CDH12: variants seen among roughly 807,000 people sequenced by gnomAD.
The protein encoded by CDH12 is cadherin-12.
In CDH12, 41 loss-of-function variants were observed where a neutral mutation model predicts 74.1. The ratio of observed to expected loss-of-function variants is 0.55; its 90% CI spans 0.43 to 0.72. The LOEUF is 0.72. Ranked by LOEUF, CDH12 falls within the 30% of genes least tolerant of loss-of-function variation. The probability of loss-of-function intolerance (pLI) is 0.00; values close to 1 mark genes in which losing one functional copy is unlikely to be tolerated. For missense variants in CDH12, 945 were observed against 977.2 expected (o/e 0.97, Z 0.44); for synonymous variants, 399 against 355.0 (o/e 1.12, Z -1.39).
intron 5 of CDH12, among the ~76,000 whole-genome samples, chr5:22,034,578 T>C (rs1739043807): frequency 6.6e-6 from 1 of 152,158 alleles, no homozygotes; most frequent in African/African-American, 2.4e-5. Context: ...ACACTAAAGA[T>C]GACAATTAAT....
intron 4 of CDH12, among the ~76,000 whole-genome samples, chr5:22,132,765 G>T (rs144725935): frequency 3.2e-4 from 48 of 152,204 alleles, no homozygotes; most frequent in African/African-American, 1.1e-3. Context: ...CTGAAGGAGT[G>T]AGGGAGTCTC....
intron 6 of CDH12, among the ~76,000 whole-genome samples, chr5:21,973,631 A>G (rs1756948350): frequency 6.6e-6 from 1 of 152,176 alleles, no homozygotes; most frequent in Non-Finnish European, 1.5e-5. Context: ...TGGTACTAAA[A>G]AGTCACTGAG....
At chr5:21,794,431 C>G (rs1448587412) in intron 10 of CDH12, among the ~76,000 whole-genome samples, 1 of 151,806 alleles carries the variant, frequency 6.6e-6, no homozygotes, top group Middle Eastern at 3.4e-3. Flanking sequence ...GTCCTAAACA[C>G]GCAGTATACC....
chr5:22,043,795 T>C (rs2150185932), intron 5 of CDH12, among the ~76,000 whole-genome samples: 1 of 151,976 alleles, frequency 6.6e-6, no homozygotes, highest in South Asian at 2.1e-4. Context: ...TGTTGCTATA[T>C]GGTAACAGTT....
At chr5:21,996,494 A>G (rs1736309650) in intron 5 of CDH12, among the ~76,000 whole-genome samples, 1 of 152,212 alleles carries the variant, frequency 6.6e-6, no homozygotes, top group Non-Finnish European at 1.5e-5. Flanking sequence ...ATTGAGAATC[A>G]GGAAGGCTAA....
chr5:22,476,826 G>A (rs1746189052), intron 2 of CDH12, among the ~76,000 whole-genome samples: 1 of 152,046 alleles, frequency 6.6e-6, no homozygotes, highest in Admixed American at 6.6e-5. Flanking sequence ...GTCAATTATA[G>A]ATTATACAAT....
intron 1 of CDH12, among the ~76,000 whole-genome samples, chr5:22,839,996 C>T (rs1561068446): frequency 6.6e-6 from 1 of 152,130 alleles, no homozygotes. Context: ...CACACACAAA[C>T]CAGAACAAAC....
At chr5:21,985,488 A>G (rs1429197696) in intron 5 of CDH12, among the ~76,000 whole-genome samples, 4 of 152,142 alleles carry the variant, frequency 2.6e-5, no homozygotes, top group Non-Finnish European at 2.9e-5. Context: ...AAGACCCATT[A>G]CCATTCTTGA....
At chr5:22,442,103 T>C (rs545869482) in intron 2 of CDH12, among the ~76,000 whole-genome samples, 98 of 152,304 alleles carry the variant, frequency 6.4e-4, no homozygotes, top group African/African-American at 2.3e-3. Flanking sequence ...ATTTCACAGA[T>C]TATCCTATGA....
chr5:21,847,511 C>T (rs1253207130), intron 7 of CDH12, among the ~76,000 whole-genome samples: 1 of 152,058 alleles, frequency 6.6e-6, no homozygotes, highest in African/African-American at 2.4e-5. Context: ...GCAGCACTCC[C>T]TGGCTCCTGA....
intron 1 of CDH12, among the ~76,000 whole-genome samples, chr5:22,543,915 TC>T (rs1436665731): frequency 2.0e-5 from 3 of 152,076 alleles, no homozygotes; most frequent in Non-Finnish European, 4.4e-5. Flanking sequence ...TTTTTTTTTT[TC>T]ACAAGTAGCT....
chr5:21,991,972 A>G (rs1209263309), intron 5 of CDH12, among the ~76,000 whole-genome samples: 1 of 152,012 alleles, frequency 6.6e-6, no homozygotes, highest in African/African-American at 2.4e-5. Flanking sequence ...TTTCTGCCCC[A>G]TAGTGTGAAA....
At chr5:22,497,967 A>T (rs1747174152) in intron 2 of CDH12, among the ~76,000 whole-genome samples, 1 of 151,812 alleles carries the variant, frequency 6.6e-6, no homozygotes, top group Non-Finnish European at 1.5e-5. Context: ...CTCTTCTATA[A>T]TCTTTCTCCA....
At chr5:21,779,958 TATACAGTCTTTGTC>T (rs1381927629) in intron 11 of CDH12, among the ~76,000 whole-genome samples, 1 of 152,228 alleles carries the variant, frequency 6.6e-6, no homozygotes, top group Non-Finnish European at 1.5e-5. Context: ...TTCATACAGA[TATACAGTCTTTGTC>T]ATACCCGATT....
intron 5 of CDH12, among the ~76,000 whole-genome samples, chr5:22,061,420 A>T (rs916510696): frequency 1.3e-5 from 2 of 152,172 alleles, no homozygotes; most frequent in African/African-American, 4.8e-5. Flanking sequence ...TTTTACCAAA[A>T]GAATTCATTC....
At chr5:22,729,875 T>C (rs1187757513) in intron 1 of CDH12, among the ~76,000 whole-genome samples, 5 of 151,904 alleles carry the variant, frequency 3.3e-5, no homozygotes, top group African/African-American at 1.2e-4. Context: ...TGTCTTTATC[T>C]ATTAATTTGA....
intron 1 of CDH12, among the ~76,000 whole-genome samples, chr5:22,821,864 A>C (rs1749717993): frequency 6.6e-6 from 1 of 151,546 alleles, no homozygotes; most frequent in Non-Finnish European, 1.5e-5. Flanking sequence ...CTTTCTTCAC[A>C]GAATTGGAAA....
At chr5:22,403,950 T>A (rs949911825) in intron 3 of CDH12, among the ~76,000 whole-genome samples, 36 of 152,140 alleles carry the variant, frequency 2.4e-4, no homozygotes, top group Non-Finnish European at 2.4e-4. Context: ...TATTTGACTA[T>A]ATTATTTTAC....
Position 22,310,558 on chromosome 5 carries a change from C to T in CDH12, c.-333+94699G>A, listed in dbSNP as rs78882111. Among the ~76,000 whole-genome samples, 41 of 152,118 alleles carry T rather than the reference C, an allele frequency of 2.7e-4. No homozygotes were observed. The East Asian group carries it at 7.5e-3, about 28-fold the overall frequency. ...AACTCTTATATCTAATTTGATTCCA[C>T]CACAGTTTTACACTTTCCCTTTTAG... On this transcript the variant is annotated intron_variant, in intron 3 of 14. Coordinates refer to ENST00000382254, the MANE Select transcript of CDH12 (RefSeq NM_004061.5).
Sources: gnomAD v4.1 joint callset for allele counts (sites outside exome capture counted in the v4.1 genomes callset) on GRCh38, gnomAD v4.1.1 for gene constraint, MANE v1.5 for transcripts, NCBI Gene and HGNC (gene_info 2026-07-23, HGNC 2026-07-21) for gene names.